The following IFIT3 variants were observed in gnomAD, a reference collection of about 807,000 sequenced individuals.
The protein encoded by IFIT3 is interferon-induced protein with tetratricopeptide repeats 3.
A neutral mutation model predicts 2.4 loss-of-function variants in IFIT3; 2 were observed. The observed-to-expected ratio is 0.82, with a 90% CI of 0.34 to 2.60. The LOEUF (loss-of-function observed/expected upper bound fraction) is 2.60, where lower values mean the gene tolerates loss of function less well. Ranked by LOEUF, IFIT3 falls within the 30% of genes most tolerant of loss-of-function variation. The probability of loss-of-function intolerance (pLI) is 0.11; values close to 1 mark genes in which losing one functional copy is unlikely to be tolerated. For synonymous variants in IFIT3, 203 were observed against 212.1 expected (o/e 0.96, Z 0.37); for missense variants, 481 against 562.4 (o/e 0.86, Z 1.46).
intron 1 of IFIT3, among the ~76,000 whole-genome samples, chr10:89,329,622 C>T: frequency 6.6e-6 from 1 of 151,530 alleles, no homozygotes; most frequent in East Asian, 1.9e-4. Context: ...CACGTGCCAG[C>T]TGATGGGCAT....
Position 89,339,960 on chromosome 10 carries a change from CAAATGTTAT to C in IFIT3, c.1306_1314del (p.Lys436_Tyr438del), listed in dbSNP as rs1564793868. Reference sequence around the variant, plus strand: ...AGAATGGAGATCTGCTGCAAGCAGCCAAATGTTATGAGAAGGAACTGGGCCGCCTGCTAA... The same window carrying C: ...AGAATGGAGATCTGCTGCAAGCAGCCGAGAAGGAACTGGGCCGCCTGCTAA... On this transcript the variant is annotated inframe_deletion, in exon 2 of 2. Transcript: ENST00000371818. The C allele has an allele frequency of 6.2e-7, 1 of 1,614,136 alleles. No individual in the cohort carries two copies. The highest frequency in any genetic ancestry group is 8.5e-7 in the Non-Finnish European group (1 of 1,180,018).
chr10:89,339,258 GCTGAGTCCTGATAA>G lies in IFIT3; in HGVS notation c.605_618del (p.Leu202ProfsTer16). The G allele has an allele frequency of 6.2e-7, 1 of 1,614,244 alleles. No individual in the cohort carries two copies. The highest frequency in any genetic ancestry group is 1.7e-5 in the Admixed American group (1 of 60,026). ...CTGATGTTTTGAAGCAGGCCATTGA[GCTGAGTCCTGATAA>G]CCAATACGTCAAGGTTCTCTTGGGC... On this transcript the variant is annotated frameshift_variant, in exon 2 of 2. Coordinates refer to ENST00000371818, the MANE Select transcript of IFIT3 (RefSeq NM_001549.6). LOFTEE classifies it low-confidence loss of function (END_TRUNC).
At position 89,339,566 on chromosome 10, in the gene IFIT3, A is replaced by G. The variant is rs1353732630; in HGVS notation, c.911A>G (p.Lys304Arg). 6.2e-7 allele frequency: 1 copy of G among 1,614,232 alleles called. No individual in the cohort carries two copies. Among genetic ancestry groups the G allele is most frequent in the South Asian group, 1.1e-5 (1 of 91,080 alleles). Reference protein sequence around the residue: ...NTGESEASGNKEMIEALKQYA... With the variant: ...NTGESEASGNREMIEALKQYA... ...GGAGAATCTGAAGCTAGTGGAAATA[A>G]AGAGATGATTGAAGCACTAAAGCAA... Residue 304 changes from lysine to arginine, a missense_variant, in exon 2 of 2, where the codon AAA (lysine) becomes AGA (arginine). Physicochemically the swap from Lys to Arg is conservative, Grantham distance 26. Transcript: ENST00000371818.
chr10:89,335,770 C>G (rs1322726439), intron 1 of IFIT3, among the ~76,000 whole-genome samples: 1 of 152,132 alleles, frequency 6.6e-6, no homozygotes, highest in African/African-American at 2.4e-5. Flanking sequence ...ACACTTTCTC[C>G]TTTTAACCTT....
chr10:89,339,286 G>T lies in IFIT3; in HGVS notation c.631G>T (p.Val211Phe). The change falls in exon 2 of 2, where the codon GTT (valine) becomes TTT (phenylalanine). Residue 211 changes from valine to phenylalanine, a missense_variant. By Grantham distance (50) the Val-to-Phe change is conservative. Coordinates refer to ENST00000371818, the MANE Select transcript of IFIT3 (RefSeq NM_001549.6). ...GAGTCCTGATAACCAATACGTCAAG[G>T]TTCTCTTGGGCCTGAAACTGCAGAA... ...ELSPDNQYVK[V>F]LLGLKLQKMN... 6.2e-7 allele frequency: 1 copy of T among 1,614,138 alleles called. No homozygotes were observed. The highest frequency in any genetic ancestry group is 8.5e-7 in the Non-Finnish European group (1 of 1,180,004).
chr10:89,338,800 T>C lies in IFIT3; in HGVS notation c.145T>C (p.Phe49Leu). 1 of 1,614,020 alleles carries C rather than the reference T, an allele frequency of 6.2e-7. No homozygotes were observed. The highest frequency in any genetic ancestry group is 8.5e-7 in the Non-Finnish European group (1 of 1,179,970). ...CNQIEFLNTE[F>L]KATMYNLLAY... ...CCAGATTGAATTTTTAAACACTGAG[T>C]TCAAAGCTACAATGTACAACTTGTT... Residue 49 changes from phenylalanine (F) to leucine (L), a missense_variant, in exon 2 of 2, where the codon TTC becomes CTC. Physicochemically the swap from Phe to Leu is conservative, Grantham distance 22. Coordinates refer to ENST00000371818, the MANE Select transcript of IFIT3 (RefSeq NM_001549.6).
chr10:89,331,625 C>T (rs931256787), intron 1 of IFIT3, among the ~76,000 whole-genome samples: 3 of 152,000 alleles, frequency 2.0e-5, no homozygotes, highest in Non-Finnish European at 4.4e-5. Context: ...TTTGGGAGGC[C>T]GAGGAGGGCA....
In IFIT3 at chr10:89,334,478, C is replaced by CTTTTTTTTTTTTTTTTTTTTTTTT. The variant is rs578154457; in HGVS notation, c.6-4171_6-4148dup. On this transcript the variant is annotated intron_variant, in intron 1 of 1. Transcript: ENST00000371818. ...TGTTTTTTCTTCTTTTTCTTTTATTCTTTTTTTTTTTTTTTTTTTTTTTTT... is the reference window on the plus strand; with the variant it reads ...TGTTTTTTCTTCTTTTTCTTTTATTCTTTTTTTTTTTTTTTTTTTTTTTTTTTTTTTTTTTTTTTTTTTTTTTTT... Among the ~76,000 whole-genome samples the CTTTTTTTTTTTTTTTTTTTTTTTT allele has an allele frequency of 5.5e-4, 14 of 25,316 alleles. 1 individual carries two copies. The highest frequency in any genetic ancestry group is 9.0e-4 in the Non-Finnish European group (13 of 14,418). The allele number at this position is 25,316 out of a possible 152,430, so 16.6% of individuals were successfully genotyped here.
In IFIT3 at chr10:89,339,616, G is replaced by C; in HGVS notation, c.961G>C (p.Ala321Pro). ...KQYAMDYSNK[A>P]LEKGLNPLNA... ...ATATGCTATGGACTATTCGAATAAA[G>C]CTCTTGAGAAGGGACTGAATCCTCT... Residue 321 changes from alanine (A) to proline (P), a missense_variant, in exon 2 of 2, where the codon GCT (alanine) becomes CCT (proline). Physicochemically the swap from Ala to Pro is conservative, Grantham distance 27. Transcript: ENST00000371818. 1 of 1,614,178 alleles carries C rather than the reference G, an allele frequency of 6.2e-7. No homozygotes were observed. Among genetic ancestry groups the C allele is most frequent in the Non-Finnish European group, 8.5e-7 (1 of 1,180,020 alleles).
At chr10:89,329,883 T>C (rs1564787471) in intron 1 of IFIT3, among the ~76,000 whole-genome samples, 2 of 151,730 alleles carry the variant, frequency 1.3e-5, no homozygotes, top group African/African-American at 4.8e-5. Context: ...GGAAGGGAGA[T>C]AGGGGTGGGG....
At chr10:89,336,384 C>T (rs1262490397) in intron 1 of IFIT3, among the ~76,000 whole-genome samples, 1 of 152,182 alleles carries the variant, frequency 6.6e-6, no homozygotes, top group African/African-American at 2.4e-5. Context: ...ATGGCAACTT[C>T]CCTCCTCACT....
Position 89,332,529 on chromosome 10 carries a change from G to A in IFIT3, c.5+4451G>A, listed in dbSNP as rs1187118033. The stretch of plus-strand genomic sequence containing the variant: ...AAGCACAGACCTAACAGCACCCTGG[G>A]TGGAAACCTCTTCAGCATTTGCTTG... On this transcript the variant is annotated intron_variant, in intron 1 of 1. Transcript: ENST00000371818. The A allele has an allele frequency of 7.4e-6, 12 of 1,612,002 alleles. No homozygotes were observed. In the East Asian group the frequency reaches 2.2e-4, roughly 30 times the overall value.
At chr10:89,338,586 C>T (rs1037671944) in intron 1 of IFIT3, 75 bp from the exon 2 acceptor site, 1 of 1,368,436 alleles carries the variant, frequency 7.3e-7, no homozygotes, top group African/African-American at 1.4e-5. Flanking sequence ...GTTCAATTGA[C>T]ATATAAAATT....
intron 1 of IFIT3, among the ~76,000 whole-genome samples, chr10:89,333,202 T>C (rs994938765): frequency 2.6e-5 from 4 of 152,198 alleles, no homozygotes; most frequent in African/African-American, 9.7e-5. Context: ...ACGTGATCAA[T>C]GAACAGGGAG....
intron 1 of IFIT3, chr10:89,332,566 C>G: frequency 6.2e-7 from 1 of 1,613,878 alleles, no homozygotes; most frequent in Non-Finnish European, 8.5e-7. Context: ...AATCAGTAAG[C>G]TAAAAACAAA....
At position 89,338,809 on chromosome 10, in the gene IFIT3, A is replaced by G. The variant is rs1843792083; in HGVS notation, c.154A>G (p.Thr52Ala). Residue 52 changes from threonine (T) to alanine (A), a missense_variant, in exon 2 of 2, where the codon ACA becomes GCA. Coordinates refer to ENST00000371818, the MANE Select transcript of IFIT3 (RefSeq NM_001549.6). ...IEFLNTEFKA[T>A]MYNLLAYIKH... is the part of the protein sequence containing the mutation. ...ATTTTTAAACACTGAGTTCAAAGCT[A>G]CAATGTACAACTTGTTGGCCTACAT... is the stretch of plus-strand genomic sequence containing the variant. 15 of 1,614,066 alleles carry G rather than the reference A, an allele frequency of 9.3e-6. No homozygotes were observed. Among genetic ancestry groups the G allele is most frequent in the African/African-American group, 1.3e-5 (1 of 74,928 alleles).
rs756847003 is a variant in IFIT3, at chr10:89,332,618, C to T, written c.5+4540C>T. ...GCTTTTCAGAACTGCAGGGAAACAG[C>T]CATCATGAGGTAAATAGTCCCTGCT... On this transcript the variant is annotated intron_variant, in intron 1 of 1. Coordinates refer to ENST00000371818, the MANE Select transcript of IFIT3 (RefSeq NM_001549.6). The T allele has an allele frequency of 3.7e-6, 6 of 1,613,984 alleles. No homozygotes were observed. The Admixed American group carries it at 8.3e-5, about 22-fold the overall frequency.
chr10:89,340,093 A>C lies in IFIT3; in HGVS notation c.1438A>C (p.Arg480=). Reference sequence around the variant, plus strand: ...CCAGGGCGCAGTCAGCTCCAGTCCCAGAGAGCTCCTCTCTAACTCAGAGCA... The same window carrying C: ...CCAGGGCGCAGTCAGCTCCAGTCCCCGAGAGCTCCTCTCTAACTCAGAGCA... ...MGQGAVSSSP[R]ELLSNSEQLN Residue 480 remains arginine, a synonymous_variant, in exon 2 of 2, where the codon AGA becomes CGA. Transcript: ENST00000371818. 1 of 1,610,180 alleles carries C rather than the reference A, an allele frequency of 6.2e-7. No individual in the cohort carries two copies. The highest frequency in any genetic ancestry group is 8.5e-7 in the Non-Finnish European group (1 of 1,177,856).
chr10:89,333,249 G>A (rs534669331), intron 1 of IFIT3, among the ~76,000 whole-genome samples: 17 of 152,256 alleles, frequency 1.1e-4, no homozygotes, highest in African/African-American at 3.9e-4. Context: ...TGTGTTCTGC[G>A]AGTGGCCTGA....
Sources: allele counts gnomAD v4.1 joint callset (sites outside exome capture counted in the v4.1 genomes callset), GRCh38; gene constraint gnomAD v4.1.1; transcripts MANE v1.5; gene names NCBI Gene and HGNC (gene_info 2026-07-23, HGNC 2026-07-21).